Variants in MCPH1 observed in about 807,000 individuals in gnomAD.
MCPH1 encodes microcephalin 1, also known as microcephalin.
Under a neutral mutation model 84.5 loss-of-function variants are expected in MCPH1, and 104 were observed. That is an observed-to-expected ratio of 1.23 (90% CI 1.05 to 1.45). The LOEUF (loss-of-function observed/expected upper bound fraction) is 1.45. Ranked by LOEUF, MCPH1 falls within the 40% of genes most tolerant of loss-of-function variation. The pLI is 0.00. For synonymous variants in MCPH1, 514 were observed against 366.8 expected (o/e 1.40, Z -4.58); for missense variants, 1,498 against 1,005.7 (o/e 1.49, Z -6.62).
chr8:6,419,358 C>A (rs1013616426), intron 3 of MCPH1, among the ~76,000 whole-genome samples: 6 of 151,660 alleles, frequency 4.0e-5, no homozygotes, highest in Non-Finnish European at 8.8e-5. Flanking sequence ...GTGGCTGGGA[C>A]TGTAGGCATG....
chr8:6,640,865 G>T (rs1460004419), intron 13 of MCPH1, among the ~76,000 whole-genome samples: 1 of 152,176 alleles, frequency 6.6e-6, no homozygotes, highest in Non-Finnish European at 1.5e-5. Flanking sequence ...AGGGGACCAT[G>T]TTGTTTTTAA....
intron 5 of MCPH1, among the ~76,000 whole-genome samples, chr8:6,436,585 C>G (rs182833425): frequency 5.3e-5 from 8 of 151,702 alleles, no homozygotes; most frequent in Admixed American, 5.2e-4. Context: ...TGGGAAAATA[C>G]TTTAGAATAT....
chr8:6,493,802 A>G (rs1222802890), intron 11 of MCPH1, among the ~76,000 whole-genome samples: 1 of 152,192 alleles, frequency 6.6e-6, no homozygotes, highest in Non-Finnish European at 1.5e-5. Context: ...GTCACATGGA[A>G]CATTTAGAGA....
chr8:6,505,238 G>GTTT (rs1563305052), intron 12 of MCPH1, among the ~76,000 whole-genome samples: 1 of 5,006 alleles, frequency 2.0e-4, no homozygotes, highest in African/African-American at 5.2e-4. Flanking sequence ...TGTATATATA[G>GTTT]AATATATATT....
chr8:6,604,648 G>A (rs1424511599), intron 12 of MCPH1, among the ~76,000 whole-genome samples: 4 of 152,334 alleles, frequency 2.6e-5, no homozygotes, highest in East Asian at 1.9e-4. Context: ...AGGACTATAC[G>A]TGCGTGCCAC....
intron 1 of MCPH1, among the ~76,000 whole-genome samples, chr8:6,407,301 G>A (rs1339376747): frequency 6.6e-6 from 1 of 152,006 alleles, no homozygotes; most frequent in Non-Finnish European, 1.5e-5. Context: ...GCTGTGCTTA[G>A]GCTAGTATGG....
At chr8:6,444,288 A>C in intron 7 of MCPH1, 105 bp from the exon 8 acceptor site, 1 of 1,316,710 alleles carries the variant, frequency 7.6e-7, no homozygotes, top group African/African-American at 1.5e-5. Flanking sequence ...TAGTCTTCTT[A>C]ACTAATAGCT....
chr8:6,584,191 A>T (rs1827797232), intron 12 of MCPH1, among the ~76,000 whole-genome samples: 1 of 152,184 alleles, frequency 6.6e-6, no homozygotes, highest in South Asian at 2.1e-4. Context: ...TTCAAAATCA[A>T]TACACACTTT....
chr8:6,493,369 C>A (rs934330947), intron 11 of MCPH1, among the ~76,000 whole-genome samples: 5 of 152,154 alleles, frequency 3.3e-5, no homozygotes, highest in African/African-American at 4.8e-5. Flanking sequence ...TGAGCTTTTT[C>A]ATAAGAATAT....
chr8:6,558,272 A>G lies in MCPH1; in HGVS notation c.2214+58343A>G, dbSNP rs62496877. Among the ~76,000 whole-genome samples, 1,522 of 152,340 alleles carry G rather than the reference A, an allele frequency of 1.0e-2. 16 individuals carry two copies. The highest frequency in any genetic ancestry group is 0.016 in the Non-Finnish European group (1,059 of 68,032). ...CTAATCTCCAAGAAAGGGATGGAAG[A>G]CTGGGGAAAGAGAATCTACTTCCTA... On this transcript the variant is annotated intron_variant, in intron 12 of 13. Coordinates refer to ENST00000344683, the MANE Select transcript of MCPH1 (RefSeq NM_024596.5).
At chr8:6,591,217 G>T (rs953597284) in intron 12 of MCPH1, among the ~76,000 whole-genome samples, 10 of 152,352 alleles carry the variant, frequency 6.6e-5, no homozygotes, top group Admixed American at 2.0e-4. Context: ...TCTTCCTATC[G>T]CATTTTGACA....
intron 11 of MCPH1, among the ~76,000 whole-genome samples, chr8:6,495,062 G>C (rs1394120444): frequency 6.6e-6 from 1 of 152,142 alleles, no homozygotes; most frequent in Non-Finnish European, 1.5e-5. Flanking sequence ...GCTTATTTTG[G>C]AACAGATATT....
At chr8:6,455,972 C>G (rs1482844584) in intron 9 of MCPH1, among the ~76,000 whole-genome samples, 4 of 152,114 alleles carry the variant, frequency 2.6e-5, no homozygotes, top group African/African-American at 9.7e-5. Flanking sequence ...ATGGGGCTTC[C>G]AGGTCCTGAT....
At chr8:6,529,623 ATTT>A (rs35322987) in intron 12 of MCPH1, among the ~76,000 whole-genome samples, 2 of 120,960 alleles carry the variant, frequency 1.7e-5, no homozygotes, top group Non-Finnish European at 1.7e-5. Context: ...CGCCTGGCTA[ATTT>A]TTTTTTTTTT....
chr8:6,644,640 G>A lies in MCPH1; in HGVS notation c.*1591G>A, dbSNP rs1015131381. 3.3e-5 allele frequency: 5 copies of A among 152,136 alleles called. No individual in the cohort carries two copies. Among genetic ancestry groups the A allele is most frequent in the African/African-American group, 1.2e-4 (5 of 41,422 alleles). 9.4% of individuals were successfully genotyped at this position (152,136 alleles called of 1,614,324 possible). On this transcript the variant is annotated 3_prime_UTR_variant, in exon 14 of 14. Coordinates refer to ENST00000344683, the MANE Select transcript of MCPH1 (RefSeq NM_024596.5). Reference sequence around the variant, plus strand: ...AACACGTATAACCAAGGAGGCAAAGGATCTCTACAAGGAGAACCATAAACG... The same window carrying A: ...AACACGTATAACCAAGGAGGCAAAGAATCTCTACAAGGAGAACCATAAACG...
intron 12 of MCPH1, among the ~76,000 whole-genome samples, chr8:6,510,360 T>C (rs1034745587): frequency 1.1e-4 from 17 of 152,300 alleles, no homozygotes; most frequent in Admixed American, 7.8e-4. Flanking sequence ...CCTGCAATGG[T>C]GGCAGGAGAA....
At chr8:6,532,574 T>TA (rs10662997) in intron 12 of MCPH1, 31,709 of 586,684 alleles carry the variant, frequency 0.054, 561 homozygotes, top group African/African-American at 0.17. Context: ...TCCCTATCTT[T>TA]AAAAAAAAAA....
intron 3 of MCPH1, among the ~76,000 whole-genome samples, chr8:6,427,283 T>G (rs558731170): frequency 6.6e-6 from 1 of 152,224 alleles, no homozygotes; most frequent in African/African-American, 2.4e-5. Flanking sequence ...GCCTAGGACA[T>G]TACTACTATA....
intron 9 of MCPH1, chr8:6,473,934 G>A (rs959438949): frequency 1.7e-5 from 25 of 1,464,778 alleles, no homozygotes; most frequent in Middle Eastern, 1.8e-4. Context: ...CTGGGCAGCC[G>A]ATGCACAACT....
Sources: allele counts gnomAD v4.1 joint callset (sites outside exome capture counted in the v4.1 genomes callset), GRCh38; gene constraint gnomAD v4.1.1; transcripts MANE v1.5; gene names NCBI Gene and HGNC (gene_info 2026-07-23, HGNC 2026-07-21).